CNOT4: variants seen among roughly 807,000 people sequenced by gnomAD.
The protein encoded by CNOT4 is CCR4-NOT transcription complex subunit 4, also known as CCR4-associated factor 4.
In CNOT4, 8 loss-of-function variants were observed where a neutral mutation model predicts 73.8. The ratio of observed to expected loss-of-function variants is 0.11; its 90% CI spans 0.06 to 0.20. The LOEUF (loss-of-function observed/expected upper bound fraction) is 0.20. Among genes scored for constraint, CNOT4 ranks in the 10% least tolerant of loss-of-function variants. The probability of loss-of-function intolerance (pLI) is 1.00; values close to 1 mark genes in which losing one functional copy is unlikely to be tolerated. For missense variants in CNOT4, 564 were observed against 883.4 expected, an observed-to-expected ratio of 0.64 and a Z score of 4.58; for synonymous variants, 293 against 321.1, an observed-to-expected ratio of 0.91 and a Z score of 0.94.
intron 2 of CNOT4, among the ~76,000 whole-genome samples, chr7:135,424,036 ACAAAACACACACACACACACAC>A (rs1798343398): frequency 2.2e-5 from 3 of 135,258 alleles, no homozygotes; most frequent in East Asian, 2.1e-4. Context: ...AAACAAACAA[ACAAAACACACACACACACACAC>A]ACACACACAC....
chr7:135,488,228 G>T (rs778889117), intron 1 of CNOT4, among the ~76,000 whole-genome samples: 79 of 152,004 alleles, frequency 5.2e-4, no homozygotes, highest in Non-Finnish European at 1.9e-4. Flanking sequence ...GTGGCATGAT[G>T]TCAACTCACT....
chr7:135,501,016 T>C (rs1199672489), intron 1 of CNOT4, among the ~76,000 whole-genome samples: 4 of 148,482 alleles, frequency 2.7e-5, no homozygotes, highest in Non-Finnish European at 1.5e-5. Context: ...CAGAGTTTCA[T>C]TCTGTAGCCC....
intron 10 of CNOT4, among the ~76,000 whole-genome samples, chr7:135,382,001 A>G (rs1795870133): frequency 6.6e-6 from 1 of 152,180 alleles, no homozygotes; most frequent in Non-Finnish European, 1.5e-5. Flanking sequence ...AAAGTGGGCT[A>G]AGACAGTGAA....
At chr7:135,431,192 G>A (rs1798813824) in intron 2 of CNOT4, among the ~76,000 whole-genome samples, 1 of 152,198 alleles carries the variant, frequency 6.6e-6, no homozygotes, top group Admixed American at 6.5e-5. Context: ...TTGAGCCCAG[G>A]AGTTCTAGAC....
intron 1 of CNOT4, among the ~76,000 whole-genome samples, chr7:135,443,125 T>C (rs761254866): frequency 9.4e-5 from 14 of 148,876 alleles, no homozygotes; most frequent in Non-Finnish European, 1.8e-4. Flanking sequence ...CCAAGGCAGA[T>C]GGATCTCTTG....
rs773078145 is a variant in CNOT4, at chr7:135,363,225, T to C, written c.1841-39A>G. On this transcript the variant is annotated intron_variant, in intron 11 of 11. Coordinates refer to ENST00000541284, the MANE Select transcript of CNOT4 (RefSeq NM_001190850.2). The surrounding 1 kb of genome is among the most constrained non-coding windows in gnomAD (Gnocchi z 4.3). ...AGAAAAAAGAGGGAAAATGGTGAGT[T>C]TGTGTGGAAAGAATAAGGTCGTCAA... 5 of 1,591,220 alleles carry C rather than the reference T, an allele frequency of 3.1e-6. No individual in the cohort carries two copies. The highest frequency in any genetic ancestry group is 4.3e-6 in the Non-Finnish European group (5 of 1,163,370).
At chr7:135,502,431 C>A (rs1006333187) in intron 1 of CNOT4, among the ~76,000 whole-genome samples, 1 of 152,188 alleles carries the variant, frequency 6.6e-6, no homozygotes, top group African/African-American at 2.4e-5. Flanking sequence ...CTAATTATAT[C>A]ATTATGAAAG....
At chr7:135,398,120 C>T (rs767562001) in intron 8 of CNOT4, 49 bp downstream of exon 8, 1 of 1,025,920 alleles carries the variant, frequency 9.7e-7, no homozygotes, top group Non-Finnish European at 1.5e-6. Flanking sequence ...GAATACCTTG[C>T]TTTCGGAGTA....
intron 2 of CNOT4, among the ~76,000 whole-genome samples, chr7:135,428,414 TG>T (rs1218193267): frequency 6.6e-6 from 1 of 152,190 alleles, no homozygotes; most frequent in African/African-American, 2.4e-5. Flanking sequence ...CTGGAATTAC[TG>T]GACAAAGATG....
intron 1 of CNOT4, among the ~76,000 whole-genome samples, chr7:135,439,535 C>T (rs1258887721): frequency 6.6e-6 from 1 of 152,154 alleles, no homozygotes; most frequent in African/African-American, 2.4e-5. Context: ...GAGGCCAAGG[C>T]AGGAGGACTG....
intron 1 of CNOT4, among the ~76,000 whole-genome samples, chr7:135,453,216 C>T (rs919545511): frequency 3.9e-5 from 6 of 151,934 alleles, no homozygotes; most frequent in African/African-American, 1.5e-4. Context: ...ATGGATAAAA[C>T]AGAAAAAATT....
chr7:135,474,182 CT>C (rs1801835224), intron 1 of CNOT4, among the ~76,000 whole-genome samples: 1 of 150,626 alleles, frequency 6.6e-6, no homozygotes, highest in African/African-American at 2.4e-5. Context: ...GTTTCACCAT[CT>C]TGGCCAGGCT....
chr7:135,419,196 G>A (rs567442074), intron 3 of CNOT4, among the ~76,000 whole-genome samples: 13 of 152,156 alleles, frequency 8.5e-5, no homozygotes, highest in African/African-American at 2.9e-4. Context: ...ATCTTGGTAT[G>A]AAGCTTTTTG....
chr7:135,446,619 C>T (rs1404908050), intron 1 of CNOT4, among the ~76,000 whole-genome samples: 6 of 151,904 alleles, frequency 3.9e-5, no homozygotes. Context: ...AATACAGTTA[C>T]ACAGAAATAA....
chr7:135,473,695 C>T (rs142136488), intron 1 of CNOT4, among the ~76,000 whole-genome samples: 3 of 151,954 alleles, frequency 2.0e-5, no homozygotes, highest in Non-Finnish European at 4.4e-5. Context: ...CGCAGTGAGC[C>T]GAGATCATGC....
At chr7:135,451,068 A>G (rs1413715130) in intron 1 of CNOT4, among the ~76,000 whole-genome samples, 1 of 152,248 alleles carries the variant, frequency 6.6e-6, no homozygotes, top group African/African-American at 2.4e-5. Context: ...CCACCTCTGC[A>G]TAACAGCCTT....
At chr7:135,499,215 A>T (rs1803799952) in intron 1 of CNOT4, among the ~76,000 whole-genome samples, 1 of 152,236 alleles carries the variant, frequency 6.6e-6, no homozygotes, top group African/African-American at 2.4e-5. Context: ...CAAACAAACC[A>T]GGACAGGGAT....
At chr7:135,447,338 A>G (rs1360336170) in intron 1 of CNOT4, among the ~76,000 whole-genome samples, 1 of 152,204 alleles carries the variant, frequency 6.6e-6, no homozygotes, top group Non-Finnish European at 1.5e-5. Flanking sequence ...GTGCCAAAGT[A>G]CCAATGTATA....
In CNOT4 at chr7:135,453,841, TATATATTA is replaced by T. The variant is rs1800344719; in HGVS notation, c.-92-15426_-92-15419del. On this transcript the variant is annotated intron_variant, in intron 1 of 11. Coordinates refer to ENST00000541284, the MANE Select transcript of CNOT4 (RefSeq NM_001190850.2). ...TATATATATTTTATATATATATATA[TATATATTA>T]TATATATAGCTGGTACAGCAGCTCA... Among the ~76,000 whole-genome samples the T allele has an allele frequency of 2.2e-5, 3 of 138,922 alleles. 1 individual carries two copies. The highest frequency in any genetic ancestry group is 7.9e-5 in the African/African-American group (3 of 38,216). 91.1% of individuals were successfully genotyped at this position (138,922 alleles called of 152,430 possible). A position where few individuals can be genotyped will look rare whatever the true frequency, so the allele number is the denominator to read the frequency against.
Sources: allele counts gnomAD v4.1 joint callset (sites outside exome capture counted in the v4.1 genomes callset), GRCh38; gene constraint gnomAD v4.1.1; non-coding constraint Gnocchi (gnomAD v3.1); transcripts MANE v1.5; gene names NCBI Gene and HGNC (gene_info 2026-07-23, HGNC 2026-07-21).